Variants in NAV1 observed in about 807,000 individuals in gnomAD.
NAV1 encodes neuron navigator 1, also known as pore membrane and/or filament interacting like protein 3.
In NAV1, 18 loss-of-function variants were observed where a neutral mutation model predicts 175.2. The ratio of observed to expected loss-of-function variants is 0.10; its 90% CI spans 0.07 to 0.15. The LOEUF is 0.15. NAV1 is among the 10% of genes least tolerant of loss of function. The pLI, the probability that NAV1 is intolerant of heterozygous loss-of-function variation, is 1.00. For missense variants in NAV1, 1,731 were observed against 2,436.6 expected, an observed-to-expected ratio of 0.71 and a Z score of 6.10; for synonymous variants, 897 against 978.7, an observed-to-expected ratio of 0.92 and a Z score of 1.56.
chr1:201,627,867 G>T (rs867742204), intron 1 of NAV1, among the ~76,000 whole-genome samples: 1 of 152,094 alleles, frequency 6.6e-6, no homozygotes, highest in Non-Finnish European at 1.5e-5. Context: ...AGAGCCTGGT[G>T]CAGTGGCTCA....
In NAV1 at chr1:201,807,007, T is replaced by G. The variant is rs190627520; in HGVS notation, c.3649-946T>G. ...TTTGACCCCTCCTTTACTCTCTGCC[T>G]CTTGCTGCCATTTCATATCTGTGTC... is the stretch of plus-strand genomic sequence containing the variant. On this transcript the variant is annotated intron_variant, in intron 17 of 29. Transcript: ENST00000367296. This position sits in a 1 kb window ranked among gnomAD's most constrained non-coding sequence, Gnocchi z 5.4. Among the ~76,000 whole-genome samples the G allele has an allele frequency of 5.9e-5, 9 of 152,256 alleles. No individual in the cohort carries two copies. Among genetic ancestry groups the G allele is most frequent in the Non-Finnish European group, 1.2e-4 (8 of 68,016 alleles).
intron 1 of NAV1, among the ~76,000 whole-genome samples, chr1:201,573,824 G>A (rs1226136212): frequency 6.6e-6 from 1 of 152,136 alleles, no homozygotes; most frequent in African/African-American, 2.4e-5. Flanking sequence ...TCAGCTCAGC[G>A]GGTGCCTGGA....
At position 201,810,988 on chromosome 1, in the gene NAV1, C is replaced by A. The variant is rs1450531380; in HGVS notation, c.4797+230C>A. On this transcript the variant is annotated intron_variant, in intron 24 of 29. Transcript: ENST00000367296. The surrounding 1 kb of genome is among the most constrained non-coding windows in gnomAD (Gnocchi z 6.0). ...CTTGCCTTTAACTTGTTTCTCCACA[C>A]TTTCCCTTGCCTTTATGGAGAAAGG... Among the ~76,000 whole-genome samples the A allele has an allele frequency of 6.6e-6, 1 of 152,120 alleles. No homozygotes were observed. Among genetic ancestry groups the A allele is most frequent in the Non-Finnish European group, 1.5e-5 (1 of 68,016 alleles).
At chr1:201,756,809 C>CTTTCTTTCTTTCTTTCT (rs1491290809) in intron 3 of NAV1, among the ~76,000 whole-genome samples, 3 of 26,940 alleles carry the variant, frequency 1.1e-4, no homozygotes, top group African/African-American at 2.5e-4. Context: ...TCTTTCTTTC[C>CTTTCTTTCTTTCTTTCT]TTCTTTCTTT....
chr1:201,667,329 G>A (rs1052088785), intron 1 of NAV1, among the ~76,000 whole-genome samples: 2 of 152,150 alleles, frequency 1.3e-5, no homozygotes, highest in Non-Finnish European at 2.9e-5. Flanking sequence ...CAAAGGAGTG[G>A]GCTAAGTGCT....
rs920253959 is a variant in NAV1, at chr1:201,771,397, G to C, written c.1227-9024G>C. Among the ~76,000 whole-genome samples, 3 of 150,064 alleles carry C rather than the reference G, an allele frequency of 2.0e-5. No individual in the cohort carries two copies. In the Admixed American group the frequency reaches 2.0e-4, roughly 10 times the overall value. On this transcript the variant is annotated intron_variant, in intron 3 of 29. Coordinates refer to ENST00000367296, the Ensembl canonical transcript of NAV1. Reference sequence around the variant, plus strand: ...ATGGTGGCAGGCACCTGTAATCCTAGCTGAGGCAGGAGAATTGCTTGAACC... The same window carrying C: ...ATGGTGGCAGGCACCTGTAATCCTACCTGAGGCAGGAGAATTGCTTGAACC...
At position 201,808,076 on chromosome 1, in the gene NAV1, C is replaced by T; in HGVS notation, c.3772C>T (p.His1258Tyr). The change falls in exon 18 of 30, where the codon CAT becomes TAT. Residue 1258 changes from histidine to tyrosine, a missense_variant. Around this residue, in one of 13 missense-constraint regions of NAV1, gnomAD observed 146 missense variants for 176.8 expected, o/e 0.83. Coordinates refer to ENST00000367296, the Ensembl canonical transcript of NAV1. The surrounding 1 kb of genome is among the most constrained non-coding windows in gnomAD (Gnocchi z 5.5). ...AGCCCCCTCATCCCCCAAACTACAG[C>T]ATGGTTCTACAGAGACTGCTTCACC... The T allele has an allele frequency of 6.2e-7, 1 of 1,614,198 alleles. No homozygotes were observed. Among genetic ancestry groups the T allele is most frequent in the Non-Finnish European group, 8.5e-7 (1 of 1,180,048 alleles).
chr1:201,619,947 G>A (rs184416210), upstream of NAV1, among the ~76,000 whole-genome samples: 351 of 152,340 alleles, frequency 2.3e-3, 3 homozygotes, highest in Middle Eastern at 0.017. Flanking sequence ...AGTCATTAAA[G>A]TACAAATTAG....
At chr1:201,668,624 T>C (rs983192059) in intron 1 of NAV1, among the ~76,000 whole-genome samples, 2 of 152,044 alleles carry the variant, frequency 1.3e-5, no homozygotes, top group Admixed American at 6.6e-5. Context: ...TGGGCGTGGG[T>C]CGATGCAGCC....
intron 1 of NAV1, among the ~76,000 whole-genome samples, chr1:201,552,784 A>T (rs988137190): frequency 5.3e-5 from 8 of 152,152 alleles, no homozygotes; most frequent in African/African-American, 1.9e-4. Context: ...AAAGGGATGG[A>T]GCGAAGTCAA....
rs560048300 is a variant in NAV1, at chr1:201,776,277, C to T, written c.1227-4144C>T. 2.9e-3 allele frequency among the ~76,000 whole-genome samples: 434 copies of T among 148,966 alleles called. 5 individuals are homozygous for T. The highest frequency in any genetic ancestry group is 0.01 in the African/African-American group (411 of 40,212). Reference sequence around the variant, plus strand: ...CCAGTAATCCCAGCACTTTGGGAGCCCCAGGTGGGAGGATCACTTGAGACC... The same window carrying T: ...CCAGTAATCCCAGCACTTTGGGAGCTCCAGGTGGGAGGATCACTTGAGACC... On this transcript the variant is annotated intron_variant, in intron 3 of 29. Coordinates refer to ENST00000367296, the Ensembl canonical transcript of NAV1.
At chr1:201,766,110 C>T (rs758928177) in intron 3 of NAV1, among the ~76,000 whole-genome samples, 33 of 152,154 alleles carry the variant, frequency 2.2e-4, no homozygotes, top group Non-Finnish European at 4.6e-4. Flanking sequence ...TCATATAAGA[C>T]TCTGATTACC....
intron 1 of NAV1, among the ~76,000 whole-genome samples, chr1:201,666,858 T>A (rs1279726455): frequency 6.6e-6 from 1 of 152,122 alleles, no homozygotes; most frequent in Non-Finnish European, 1.5e-5. Flanking sequence ...GTGGGCTCCT[T>A]GGCAGAACCA....
chr1:201,622,743 G>A (rs1382762394), upstream of NAV1: 1 of 819,824 alleles, frequency 1.2e-6, no homozygotes, highest in East Asian at 1.2e-4. Context: ...CCAGTGCCCA[G>A]TCTGGGTGCT....
intron 1 of NAV1, among the ~76,000 whole-genome samples, chr1:201,572,699 T>C (rs1294426635): frequency 1.3e-5 from 2 of 152,060 alleles, no homozygotes; most frequent in Non-Finnish European, 2.9e-5. Context: ...TTTATCACCA[T>C]CAATGAAATG....
intron 2 of NAV1, among the ~76,000 whole-genome samples, chr1:201,596,529 GT>G (rs980234650): frequency 6.6e-6 from 1 of 152,170 alleles, no homozygotes; most frequent in African/African-American, 2.4e-5. Flanking sequence ...TTGTTTGTTT[GT>G]TTGTTTATGG....
At chr1:201,592,267 G>A (rs1335650243) in intron 2 of NAV1, among the ~76,000 whole-genome samples, 1 of 152,326 alleles carries the variant, frequency 6.6e-6, no homozygotes, top group South Asian at 2.1e-4. Flanking sequence ...TGTGGAATCA[G>A]CAACAGCAGA....
At chr1:201,805,396 GA>G (rs572083685) in intron 17 of NAV1, among the ~76,000 whole-genome samples, 112 of 152,298 alleles carry the variant, frequency 7.4e-4, no homozygotes, top group Non-Finnish European at 1.3e-3. Context: ...GTTAAACTGA[GA>G]TGCAATTGTG....
At chr1:201,671,712 T>A (rs1053095858) in intron 1 of NAV1, among the ~76,000 whole-genome samples, 3 of 152,180 alleles carry the variant, frequency 2.0e-5, no homozygotes, top group Admixed American at 6.5e-5. Flanking sequence ...CTCTAGGCAG[T>A]GGGCATTTCT....
Sources: gnomAD v4.1 joint callset for allele counts (sites outside exome capture counted in the v4.1 genomes callset) on GRCh38, gnomAD v4.1.1 for gene constraint, gnomAD v4.1.1 regional missense constraint, Gnocchi (gnomAD v3.1) non-coding constraint, MANE v1.5 for transcripts, NCBI Gene and HGNC (gene_info 2026-07-23, HGNC 2026-07-21) for gene names.